The following CRHR1 variants were observed in gnomAD, a reference collection of about 807,000 sequenced individuals.
The protein encoded by CRHR1 is corticotropin-releasing hormone receptor 1.
In CRHR1, 28 loss-of-function variants were observed where a neutral mutation model predicts 56.0. That is an observed-to-expected ratio of 0.50 (90% CI 0.37 to 0.69). The LOEUF (loss-of-function observed/expected upper bound fraction) is 0.69, where lower values mean the gene tolerates loss of function less well. Among genes scored for constraint, CRHR1 ranks in the 30% least tolerant of loss-of-function variants. The pLI, the probability that CRHR1 is intolerant of heterozygous loss-of-function variation, is 0.00. For missense variants in CRHR1, 376 were observed against 548.0 expected (o/e 0.69, Z 3.13); for synonymous variants, 195 against 216.5 (o/e 0.90, Z 0.87).
chr17:45,807,895 T>C (rs1322351844), intron 2 of CRHR1, among the ~76,000 whole-genome samples: 1 of 152,192 alleles, frequency 6.6e-6, no homozygotes, highest in East Asian at 1.9e-4. Context: ...ATGCAGCCAG[T>C]ACATGGCAGT....
In CRHR1 at chr17:45,834,024, G is replaced by A. The variant is rs375986565; in HGVS notation, c.1083G>A (p.Val361=). The change falls in exon 12 of 13, where the codon GTG becomes GTA. Residue 361 remains valine, a synonymous_variant. Coordinates refer to ENST00000314537, the MANE Select transcript of CRHR1 (RefSeq NM_004382.5). ...CTCCCCAGGGCTTCTTTGTGTCTGTGTTCTACTGTTTCCTCAATAGTGAGG... is the reference window on the plus strand; with the variant it reads ...CTCCCCAGGGCTTCTTTGTGTCTGTATTCTACTGTTTCCTCAATAGTGAGG... ...LESFQGFFVS[V]FYCFLNSEVR... 4.8e-5 allele frequency: 77 copies of A among 1,613,356 alleles called. No homozygotes were observed. Among genetic ancestry groups the A allele is most frequent in the Non-Finnish European group, 6.4e-5 (76 of 1,179,506 alleles).
chr17:45,786,163 A>T (rs538523059), intron 1 of CRHR1, among the ~76,000 whole-genome samples: 3 of 149,236 alleles, frequency 2.0e-5, no homozygotes, highest in Admixed American at 2.0e-4. Context: ...GAAATAGATC[A>T]ATGTTCTTTT....
intron 5 of CRHR1, chr17:45,829,661 A>G: frequency 2.6e-6 from 4 of 1,550,156 alleles, no homozygotes; most frequent in Non-Finnish European, 2.6e-6. Flanking sequence ...CCTGGGCCCC[A>G]GCACTACCGC....
Position 45,784,815 on chromosome 17 carries a change from AG to A in CRHR1, c.33+240del, listed in dbSNP as rs2061302000. 1.3e-5 allele frequency among the ~76,000 whole-genome samples: 2 copies of A among 152,086 alleles called. No homozygotes were observed. Among genetic ancestry groups the A allele is most frequent in the Admixed American group, 1.3e-4 (2 of 15,282 alleles). ...GGCGAAGCCGCCGGGATGTTGGCGG[AG>A]GAGGGGGTCCGCCCACCCGGGTAGC... On this transcript the variant is annotated intron_variant, in intron 1 of 12. Transcript: ENST00000314537. The surrounding 1 kb of genome is among the most constrained non-coding windows in gnomAD (Gnocchi z 4.2).
chr17:45,796,729 C>T (rs1016238880), intron 1 of CRHR1, among the ~76,000 whole-genome samples: 1 of 151,870 alleles, frequency 6.6e-6, no homozygotes, highest in Non-Finnish European at 1.5e-5. Flanking sequence ...GGGCCTGGCA[C>T]TGTGCAAGCC....
At position 45,784,666 on chromosome 17, in the gene CRHR1, C is replaced by G; in HGVS notation, c.33+89C>G. ...GGCTGGGCTGTGGGTGTGATGGGGGCGGGGGCGCTGGGAGAGCCGTGCTTA... is the reference window on the plus strand; with the variant it reads ...GGCTGGGCTGTGGGTGTGATGGGGGGGGGGGCGCTGGGAGAGCCGTGCTTA... On this transcript the variant is annotated intron_variant, in intron 1 of 12. Transcript: ENST00000314537. This position sits in a 1 kb window ranked among gnomAD's most constrained non-coding sequence, Gnocchi z 4.2. 7.5e-7 allele frequency: 1 copy of G among 1,332,726 alleles called. No homozygotes were observed. Among genetic ancestry groups the G allele is most frequent in the South Asian group, 1.6e-5 (1 of 64,510 alleles). The allele number at this position is 1,332,726 out of a possible 1,614,324, so 82.6% of individuals were successfully genotyped here.
At chr17:45,798,796 C>T (rs915457568) in intron 1 of CRHR1, among the ~76,000 whole-genome samples, 6 of 152,270 alleles carry the variant, frequency 3.9e-5, no homozygotes, top group East Asian at 1.9e-4. Context: ...AGGCCGGGGG[C>T]GGGGAACACC....
At chr17:45,785,624 C>G (rs1367858144) in intron 1 of CRHR1, among the ~76,000 whole-genome samples, 1 of 152,340 alleles carries the variant, frequency 6.6e-6, no homozygotes, top group Middle Eastern at 3.4e-3. Flanking sequence ...CGATTACATT[C>G]AAGAGACTTC....
chr17:45,810,069 C>T (rs1431467470), intron 2 of CRHR1, among the ~76,000 whole-genome samples: 1 of 152,152 alleles, frequency 6.6e-6, no homozygotes, highest in Admixed American at 6.5e-5. Flanking sequence ...CACTTGAGGT[C>T]AGGTGTTCGA....
At chr17:45,791,255 G>A (rs552463061) in intron 1 of CRHR1, among the ~76,000 whole-genome samples, 9 of 152,228 alleles carry the variant, frequency 5.9e-5, no homozygotes, top group African/African-American at 2.2e-4. Context: ...AAAGCAAACC[G>A]GGTCCAGGCG....
intron 10 of CRHR1, 21 bp from the exon 11 acceptor site, chr17:45,833,693 T>TCCCCCCCC: frequency 2.5e-6 from 4 of 1,571,592 alleles, no homozygotes; most frequent in East Asian, 2.3e-5. Context: ...ACTCCGAGCC[T>TCCCCCCCC]CCCCACCCGC....
Position 45,784,417 on chromosome 17 carries a change from C to A in CRHR1, c.-128C>A. ...CGGGAAGCGCCGAGCCGGGCATCTC[C>A]TCACCAGGCAGCGACCGAGGAGCCC... On this transcript the variant is annotated 5_prime_UTR_variant, in exon 1 of 13. Transcript: ENST00000314537. This position sits in a 1 kb window ranked among gnomAD's most constrained non-coding sequence, Gnocchi z 4.2. 1 of 814,410 alleles carries A rather than the reference C, an allele frequency of 1.2e-6. No homozygotes were observed. The highest frequency in any genetic ancestry group is 1.7e-6 in the Non-Finnish European group (1 of 573,836). 50.4% of individuals were successfully genotyped at this position (814,410 alleles called of 1,614,324 possible). A position where few individuals can be genotyped will look rare whatever the true frequency, so the allele number is the denominator to read the frequency against.
intron 1 of CRHR1, among the ~76,000 whole-genome samples, chr17:45,805,709 G>A (rs1190257082): frequency 2.0e-5 from 3 of 152,094 alleles, no homozygotes; most frequent in Non-Finnish European, 2.9e-5. Context: ...TGGTGGCCGG[G>A]CACCCAGCTC....
Position 45,784,602 on chromosome 17 carries a change from G to A in CRHR1, c.33+25G>A. 6.5e-7 allele frequency: 1 copy of A among 1,538,896 alleles called. No individual in the cohort carries two copies. The highest frequency in any genetic ancestry group is 8.8e-7 in the Non-Finnish European group (1 of 1,141,968). On this transcript the variant is annotated intron_variant, in intron 1 of 12. Coordinates refer to ENST00000314537, the MANE Select transcript of CRHR1 (RefSeq NM_004382.5). This position sits in a 1 kb window ranked among gnomAD's most constrained non-coding sequence, Gnocchi z 4.2. ...GGTAACAGCCCGCCGGCCATCCCTC[G>A]AGCGCTGGCGCCCCCGGCCCCTGGC...
At position 45,833,184 on chromosome 17, in the gene CRHR1, C is replaced by T. The variant is rs777782408; in HGVS notation, c.817C>T (p.Gln273Ter). The T allele has an allele frequency of 1.2e-6, 2 of 1,614,138 alleles. No individual in the cohort carries two copies. The highest frequency in any genetic ancestry group is 1.7e-6 in the Non-Finnish European group (2 of 1,180,020). ...RPGVYTDYIY[Q>*]GPMILVLLIN... ...TGGGGTGTACACCGACTACATCTAC[C>T]AGGGCCCCATGATCCTGGTCCTGCT... Residue 273 changes from glutamine to a stop codon, truncating the protein, a stop_gained, in exon 9 of 13, where the codon CAG becomes TAG. Coordinates refer to ENST00000314537, the MANE Select transcript of CRHR1 (RefSeq NM_004382.5). LOFTEE classifies it high-confidence loss of function.
At chr17:45,792,982 G>A (rs1204684194) in intron 1 of CRHR1, among the ~76,000 whole-genome samples, 2 of 152,212 alleles carry the variant, frequency 1.3e-5, no homozygotes, top group African/African-American at 4.8e-5. Flanking sequence ...CCAGAACTGT[G>A]CACACAGTAG....
intron 2 of CRHR1, among the ~76,000 whole-genome samples, chr17:45,809,994 G>A (rs1260705229): frequency 1.3e-5 from 2 of 152,164 alleles, no homozygotes; most frequent in East Asian, 3.9e-4. Flanking sequence ...ATTAATAATA[G>A]CTAGGCCAGG....
intron 2 of CRHR1, among the ~76,000 whole-genome samples, chr17:45,810,244 C>T (rs2061796062): frequency 6.6e-6 from 1 of 152,122 alleles, no homozygotes; most frequent in Non-Finnish European, 1.5e-5. Flanking sequence ...CAGATCACGC[C>T]ACTGCACTCC....
In CRHR1 at chr17:45,784,622, C is replaced by T. The variant is rs1297481792; in HGVS notation, c.33+45C>T. On this transcript the variant is annotated intron_variant, in intron 1 of 12. Transcript: ENST00000314537. The surrounding 1 kb of genome is among the most constrained non-coding windows in gnomAD (Gnocchi z 4.2). ...CCCTCGAGCGCTGGCGCCCCCGGCC[C>T]CTGGCGGACGCGGGACGGGGCTGGG... is the stretch of plus-strand genomic sequence containing the variant. 5 of 1,528,076 alleles carry T rather than the reference C, an allele frequency of 3.3e-6. No homozygotes were observed. The Admixed American group carries it at 8.0e-5, about 25-fold the overall frequency. 94.7% of individuals were successfully genotyped at this position (1,528,076 alleles called of 1,614,324 possible).
Sources: allele counts gnomAD v4.1 joint callset (sites outside exome capture counted in the v4.1 genomes callset), GRCh38; gene constraint gnomAD v4.1.1; non-coding constraint Gnocchi (gnomAD v3.1); transcripts MANE v1.5; gene names NCBI Gene and HGNC (gene_info 2026-07-23, HGNC 2026-07-21).